The following POLR3B variants were observed in gnomAD, a reference collection of about 807,000 sequenced individuals.
POLR3B encodes the protein DNA-directed RNA polymerase III subunit RPC2.
POLR3B carries 96 observed loss-of-function variants against 147.4 expected under a neutral mutation model. The observed-to-expected ratio is 0.65, with a 90% CI of 0.55 to 0.77. POLR3B has a LOEUF of 0.77. Ranked by LOEUF, POLR3B falls within the 30% of genes least tolerant of loss-of-function variation. The pLI, the probability that POLR3B is intolerant of heterozygous loss-of-function variation, is 0.00. For missense variants in POLR3B, 1,036 were observed against 1,413.5 expected, an observed-to-expected ratio of 0.73 and a Z score of 4.28; for synonymous variants, 461 against 485.9, an observed-to-expected ratio of 0.95 and a Z score of 0.67.
intron 18 of POLR3B, among the ~76,000 whole-genome samples, chr12:106,438,145 G>A (rs2137010014): frequency 6.6e-6 from 1 of 152,150 alleles, no homozygotes; most frequent in Non-Finnish European, 1.5e-5. Context: ...TGCGGTGTTT[G>A]GTTTTCTGTT....
intron 10 of POLR3B, among the ~76,000 whole-genome samples, chr12:106,400,592 A>C (rs942265142): frequency 1.3e-5 from 2 of 152,352 alleles, no homozygotes; most frequent in African/African-American, 4.8e-5. Flanking sequence ...ACTCTTCAGC[A>C]AATGTAAAAG....
intron 12 of POLR3B, among the ~76,000 whole-genome samples, chr12:106,419,053 G>A (rs553727788): frequency 1.3e-5 from 2 of 152,288 alleles, no homozygotes; most frequent in East Asian, 3.9e-4. Flanking sequence ...AGCTTTTGTT[G>A]TTTAGGTTAA....
chr12:106,447,831 G>A (rs372252595), intron 19 of POLR3B, among the ~76,000 whole-genome samples: 6 of 152,108 alleles, frequency 3.9e-5, no homozygotes, highest in African/African-American at 1.4e-4. Flanking sequence ...AAACTACTGG[G>A]ACTTTTTTTA....
At chr12:106,451,640 G>C (rs184199535) in intron 19 of POLR3B, among the ~76,000 whole-genome samples, 1 of 132,858 alleles carries the variant, frequency 7.5e-6, no homozygotes, top group Non-Finnish European at 1.6e-5. Flanking sequence ...AGGCGGGGGG[G>C]GAGGAGAGGG....
intron 23 of POLR3B, 57 bp from the exon 24 acceptor site, chr12:106,495,998 T>G (rs1044901132): frequency 2.4e-5 from 24 of 981,728 alleles, no homozygotes; most frequent in Non-Finnish European, 4.0e-5. Flanking sequence ...AATTAAGTAC[T>G]GTATTCTTCC....
chr12:106,431,437 T>G (rs749455052), intron 14 of POLR3B, among the ~76,000 whole-genome samples: 1 of 152,218 alleles, frequency 6.6e-6, no homozygotes, highest in Non-Finnish European at 1.5e-5. Flanking sequence ...GACCTGAAGA[T>G]ACAATCTTAC....
intron 22 of POLR3B, among the ~76,000 whole-genome samples, chr12:106,462,910 C>T (rs1373181009): frequency 3.3e-5 from 5 of 152,096 alleles, no homozygotes; most frequent in East Asian, 1.9e-4. Flanking sequence ...CTTTGAGCCT[C>T]TCCTGTTCTT....
intron 11 of POLR3B, among the ~76,000 whole-genome samples, chr12:106,408,456 A>G (rs1460127230): frequency 2.6e-5 from 4 of 152,170 alleles, no homozygotes; most frequent in Non-Finnish European, 5.9e-5. Flanking sequence ...AACTCTTCCT[A>G]CTGAATCAGA....
Position 106,501,494 on chromosome 12 carries a change from T to G in POLR3B, c.3098+58T>G, listed in dbSNP as rs921925221. ...AATGCAGTCAAGTCCACCTTGTATT[T>G]TCCAGATATGGCAAAAAGCAGACTC... On this transcript the variant is annotated intron_variant, in intron 26 of 27. Coordinates refer to ENST00000228347, the MANE Select transcript of POLR3B (RefSeq NM_018082.6). 5 of 1,063,686 alleles carry G rather than the reference T, an allele frequency of 4.7e-6. No homozygotes were observed. The African/African-American group carries it at 7.8e-5, about 17-fold the overall frequency. 65.9% of individuals were successfully genotyped at this position (1,063,686 alleles called of 1,614,324 possible).
intron 12 of POLR3B, among the ~76,000 whole-genome samples, chr12:106,411,273 T>G (rs1254194163): frequency 6.6e-6 from 1 of 152,072 alleles, no homozygotes; most frequent in African/African-American, 2.4e-5. Context: ...CGAGTAGCTG[T>G]GATTACAGGC....
At chr12:106,385,578 T>C (rs1429905365) in intron 9 of POLR3B, among the ~76,000 whole-genome samples, 3 of 152,154 alleles carry the variant, frequency 2.0e-5, no homozygotes, top group African/African-American at 7.2e-5. Flanking sequence ...AAGAAGGGAA[T>C]GAGTCTTTAC....
At chr12:106,423,489 T>A (rs894232791) in intron 12 of POLR3B, among the ~76,000 whole-genome samples, 3 of 152,130 alleles carry the variant, frequency 2.0e-5, no homozygotes, top group Non-Finnish European at 4.4e-5. Flanking sequence ...TATAGTTTAG[T>A]CCAAGTCCAA....
At chr12:106,409,226 T>C (rs2037188405) in intron 11 of POLR3B, among the ~76,000 whole-genome samples, 1 of 152,106 alleles carries the variant, frequency 6.6e-6, no homozygotes, top group African/African-American at 2.4e-5. Context: ...TTATATATAC[T>C]TAAATGGAGG....
At position 106,459,246 on chromosome 12, in the gene POLR3B, C is replaced by G. The variant is rs1394583839; in HGVS notation, c.2453-5C>G. 1.3e-6 allele frequency: 2 copies of G among 1,504,230 alleles called. No individual in the cohort carries two copies. Among genetic ancestry groups the G allele is most frequent in the Admixed American group, 3.3e-5 (2 of 59,848 alleles). 93.2% of individuals were successfully genotyped at this position (1,504,230 alleles called of 1,614,324 possible). A position where few individuals can be genotyped will look rare whatever the true frequency, so the allele number is the denominator to read the frequency against. ...ATGTGCCTAACACTTTTCTTTTTTT[C>G]TCAGGTGAGAAAGTAGAAAACAAAC... On this transcript the variant is annotated splice_polypyrimidine_tract_variant and splice_region_variant and intron_variant, in intron 21 of 27. Transcript: ENST00000228347.
At chr12:106,414,966 C>T (rs906685338) in intron 12 of POLR3B, among the ~76,000 whole-genome samples, 4 of 152,194 alleles carry the variant, frequency 2.6e-5, no homozygotes, top group African/African-American at 4.8e-5. Context: ...ACAGTGCCAT[C>T]TACCCATGCT....
At chr12:106,426,725 G>T (rs912399788) in intron 12 of POLR3B, among the ~76,000 whole-genome samples, 26 of 151,886 alleles carry the variant, frequency 1.7e-4, no homozygotes, top group African/African-American at 5.8e-4. Context: ...CACAGGGATG[G>T]GTAGATAATG....
chr12:106,471,077 TGCTGA>T (rs2038084258), intron 23 of POLR3B, among the ~76,000 whole-genome samples: 1 of 152,212 alleles, frequency 6.6e-6, no homozygotes. Flanking sequence ...CAGTAAGCTT[TGCTGA>T]GCTGCGGTGG....
intron 10 of POLR3B, among the ~76,000 whole-genome samples, chr12:106,394,298 A>G (rs944160276): frequency 7.9e-5 from 12 of 152,186 alleles, no homozygotes; most frequent in Admixed American, 7.9e-4. Flanking sequence ...AGCACCAGGA[A>G]GGGTGGTTTG....
At position 106,380,053 on chromosome 12, in the gene POLR3B, A is replaced by T; in HGVS notation, c.637A>T (p.Arg213Ter). The change falls in exon 9 of 28, where the codon AGA becomes TGA. Residue 213 changes from arginine to a stop codon, truncating the protein, a stop_gained. Coordinates refer to ENST00000228347, the MANE Select transcript of POLR3B (RefSeq NM_018082.6). LOFTEE classifies it high-confidence loss of function. Reference sequence around the variant, plus strand: ...TAGCTCTACCCATGAGAAAAAAAGCAGAACCAATATGGCTGTGAAACAAGG... The same window carrying T: ...TAGCTCTACCCATGAGAAAAAAAGCTGAACCAATATGGCTGTGAAACAAGG... ...VTSSTHEKKS[R>*]TNMAVKQGRF... 6.2e-7 allele frequency: 1 copy of T among 1,613,016 alleles called. No individual in the cohort carries two copies. Among genetic ancestry groups the T allele is most frequent in the Non-Finnish European group, 8.5e-7 (1 of 1,179,210 alleles).
Sources: allele counts gnomAD v4.1 joint callset (sites outside exome capture counted in the v4.1 genomes callset), GRCh38; gene constraint gnomAD v4.1.1; transcripts MANE v1.5; gene names NCBI Gene and HGNC (gene_info 2026-07-23, HGNC 2026-07-21).